The following RBFOX2 variants were observed in gnomAD, a reference collection of about 807,000 sequenced individuals.
RBFOX2 encodes RNA binding fox-1 homolog 2, also known as RNA binding protein fox-1 homolog 2.
Under a neutral mutation model 49.1 loss-of-function variants are expected in RBFOX2, and 10 were observed. That is an observed-to-expected ratio of 0.20 (90% CI 0.13 to 0.35). The LOEUF (loss-of-function observed/expected upper bound fraction) is 0.35, where lower values mean the gene tolerates loss of function less well. Ranked by LOEUF, RBFOX2 falls within the 10% of genes least tolerant of loss-of-function variation. The pLI, the probability that RBFOX2 is intolerant of heterozygous loss-of-function variation, is 1.00. For synonymous variants in RBFOX2, 183 were observed against 187.4 expected, an observed-to-expected ratio of 0.98 and a Z score of 0.19; for missense variants, 323 against 486.9, an observed-to-expected ratio of 0.66 and a Z score of 3.17.
chr22:35,842,441 A>AT (rs1322906121), upstream of RBFOX2, among the ~76,000 whole-genome samples: 22 of 152,210 alleles, frequency 1.4e-4, no homozygotes, highest in Admixed American at 2.0e-4. Context: ...TCAGAAGGAG[A>AT]TAAAAAGCAG....
intron 1 of RBFOX2, among the ~76,000 whole-genome samples, chr22:35,832,100 G>A (rs184484154): frequency 1.3e-5 from 2 of 152,292 alleles, no homozygotes; most frequent in South Asian, 2.1e-4. Context: ...AGTTGTATGC[G>A]ATGGCTCACG....
intron 1 of RBFOX2, among the ~76,000 whole-genome samples, chr22:35,885,829 G>A (rs2046484747): frequency 7.2e-6 from 1 of 139,822 alleles, no homozygotes; most frequent in South Asian, 2.4e-4. Flanking sequence ...TGGGTTAAGT[G>A]AAACCCAAAC....
At chr22:35,829,164 A>G (rs938133548) in intron 1 of RBFOX2, among the ~76,000 whole-genome samples, 5 of 152,208 alleles carry the variant, frequency 3.3e-5, no homozygotes, top group Non-Finnish European at 4.4e-5. Flanking sequence ...TTATAGACAT[A>G]AAAAATTATC....
At chr22:35,796,325 C>T (rs1186475402) in intron 2 of RBFOX2, among the ~76,000 whole-genome samples, 1 of 151,764 alleles carries the variant, frequency 6.6e-6, no homozygotes, top group East Asian at 1.9e-4. Flanking sequence ...AATAATAAGC[C>T]AATTATGTGT....
intron 1 of RBFOX2, among the ~76,000 whole-genome samples, chr22:35,848,513 G>T (rs1251090185): frequency 1.3e-5 from 2 of 152,168 alleles, no homozygotes; most frequent in Non-Finnish European, 1.5e-5. Context: ...AATGAAAGCT[G>T]TAAGTTTACT....
At chr22:35,828,368 A>C (rs1956178338) in intron 1 of RBFOX2, among the ~76,000 whole-genome samples, 2 of 152,194 alleles carry the variant, frequency 1.3e-5, no homozygotes. Flanking sequence ...CAGAGAAGGA[A>C]GGACCCAGGC....
intron 1 of RBFOX2, among the ~76,000 whole-genome samples, chr22:35,909,063 C>G (rs192511803): frequency 1.3e-5 from 2 of 152,262 alleles, no homozygotes; most frequent in African/African-American, 4.8e-5. Flanking sequence ...AGGATGGTCT[C>G]GATCTCCTGA....
intron 1 of RBFOX2, among the ~76,000 whole-genome samples, chr22:36,015,886 T>C (rs185757118): frequency 2.0e-5 from 3 of 152,286 alleles, no homozygotes; most frequent in Admixed American, 1.3e-4. Context: ...AAAACAAACT[T>C]TAGGCTGTAA....
At chr22:35,966,392 CT>C (rs781723788), upstream of RBFOX2, among the ~76,000 whole-genome samples, 3 of 152,160 alleles carry the variant, frequency 2.0e-5, no homozygotes, top group Non-Finnish European at 4.4e-5. Context: ...TTACGTTGAG[CT>C]TTGGTAGATA....
intron 1 of RBFOX2, among the ~76,000 whole-genome samples, chr22:35,887,733 G>A (rs754984452): frequency 2.0e-5 from 3 of 152,068 alleles, no homozygotes; most frequent in Non-Finnish European, 4.4e-5. Context: ...AACTTCAACA[G>A]CCACATAGAT....
intron 1 of RBFOX2, among the ~76,000 whole-genome samples, chr22:35,943,983 T>G (rs1256511515): frequency 6.6e-6 from 1 of 152,232 alleles, no homozygotes; most frequent in Non-Finnish European, 1.5e-5. Flanking sequence ...AAAAATAGCA[T>G]CTGACTTTTA....
At chr22:35,883,555 C>A (rs969038790) in intron 1 of RBFOX2, among the ~76,000 whole-genome samples, 1 of 152,178 alleles carries the variant, frequency 6.6e-6, no homozygotes. Flanking sequence ...AATTTCATCA[C>A]CCTCTGCCAA....
chr22:35,952,842 A>C (rs1324864718), intron 1 of RBFOX2, among the ~76,000 whole-genome samples: 1 of 152,174 alleles, frequency 6.6e-6, no homozygotes, highest in African/African-American at 2.4e-5. Context: ...TCCTAGGTAT[A>C]TACCCAAAGA....
At chr22:35,989,757 G>C (rs183035945) in intron 1 of RBFOX2, among the ~76,000 whole-genome samples, 1 of 152,262 alleles carries the variant, frequency 6.6e-6, no homozygotes, top group East Asian at 1.9e-4. Context: ...GAAGGTAAAG[G>C]AGCTCCAATC....
chr22:35,772,562 A>T (rs1313401818), intron 4 of RBFOX2, among the ~76,000 whole-genome samples: 1 of 152,190 alleles, frequency 6.6e-6, no homozygotes, highest in Non-Finnish European at 1.5e-5. Flanking sequence ...TGTGCTGGGC[A>T]ATGCAGGTCT....
intron 2 of RBFOX2, among the ~76,000 whole-genome samples, chr22:35,809,553 A>G (rs528957507): frequency 6.6e-6 from 1 of 152,176 alleles, no homozygotes; most frequent in Non-Finnish European, 1.5e-5. Flanking sequence ...GCAGGAGCAG[A>G]ACACCCAGTG....
At chr22:35,884,543 T>C (rs2149318220) in intron 1 of RBFOX2, among the ~76,000 whole-genome samples, 1 of 152,260 alleles carries the variant, frequency 6.6e-6, no homozygotes, top group East Asian at 1.9e-4. Flanking sequence ...GGCCTAGACA[T>C]CACTGGCTCT....
At chr22:35,781,603 A>C (rs1320046079) in exon 3 of RBFOX2, 2 of 1,613,938 alleles carry the variant, frequency 1.2e-6, no homozygotes, top group African/African-American at 1.3e-5. Flanking sequence ...GACTTACCCC[A>C]AACATCTGCC....
chr22:36,026,255 CA>C (rs796104651), intron 1 of RBFOX2, among the ~76,000 whole-genome samples: 3,351 of 83,588 alleles, frequency 0.04, 107 homozygotes, highest in African/African-American at 0.12. Context: ...CCAGCCTGGG[CA>C]AAAAAAAAAA....
Sources: gnomAD v4.1 joint callset for allele counts (sites outside exome capture counted in the v4.1 genomes callset) on GRCh38, gnomAD v4.1.1 for gene constraint, MANE v1.5 for transcripts, NCBI Gene and HGNC (gene_info 2026-07-23, HGNC 2026-07-21) for gene names.